The following SH3RF3 variants were observed in gnomAD, a reference collection of about 807,000 sequenced individuals.
SH3RF3 encodes the protein E3 ubiquitin-protein ligase SH3RF3.
SH3RF3 carries 29 observed loss-of-function variants against 66.3 expected under a neutral mutation model. That is an observed-to-expected ratio of 0.44 (90% CI 0.33 to 0.60). The LOEUF (loss-of-function observed/expected upper bound fraction) is 0.60. Among genes scored for constraint, SH3RF3 ranks in the 20% least tolerant of loss-of-function variants. The pLI, the probability that SH3RF3 is intolerant of heterozygous loss-of-function variation, is 0.04. For missense variants in SH3RF3, 1,194 were observed against 1,190.9 expected (o/e 1.00, Z -0.04); for synonymous variants, 583 against 532.0 (o/e 1.10, Z -1.32).
chr2:109,434,913 C>G (rs1425566578), intron 6 of SH3RF3, among the ~76,000 whole-genome samples: 1 of 151,866 alleles, frequency 6.6e-6, no homozygotes, highest in East Asian at 1.9e-4. Context: ...ACTGTCTTCT[C>G]CTGCTGCCAG....
At chr2:109,490,439 G>A (rs1285710116) in intron 8 of SH3RF3, among the ~76,000 whole-genome samples, 166 bp from the exon 9 acceptor site, 3 of 152,122 alleles carry the variant, frequency 2.0e-5, no homozygotes, top group African/African-American at 7.2e-5. Flanking sequence ...AGAAAATGCT[G>A]GTACTCTGGC....
intron 7 of SH3RF3, among the ~76,000 whole-genome samples, chr2:109,440,818 C>G (rs569823075): frequency 6.6e-6 from 1 of 152,226 alleles, no homozygotes; most frequent in East Asian, 1.9e-4. Context: ...CTTCAGGTGA[C>G]AACTCATCTG....
At chr2:109,477,446 C>T (rs1003159663) in intron 8 of SH3RF3, among the ~76,000 whole-genome samples, 4 of 152,228 alleles carry the variant, frequency 2.6e-5, no homozygotes, top group African/African-American at 9.6e-5. Flanking sequence ...AGTCCCGAAA[C>T]GGGCATAGAG....
chr2:109,194,612 A>G (rs768207149), intron 1 of SH3RF3, among the ~76,000 whole-genome samples: 20 of 152,136 alleles, frequency 1.3e-4, no homozygotes, highest in Non-Finnish European at 2.4e-4. Context: ...ACATATGCAC[A>G]CACAGGCACT....
chr2:109,385,220 C>A (rs1212637961), intron 3 of SH3RF3, among the ~76,000 whole-genome samples: 1 of 152,228 alleles, frequency 6.6e-6, no homozygotes, highest in Non-Finnish European at 1.5e-5. Context: ...AATAACCTTA[C>A]CCACCTCCAA....
rs570453303 is a variant in SH3RF3, at chr2:109,461,444, C to T, written c.2148+11955C>T. ...CATCCCTGTCTGTCCTAAAGACCTG[C>T]GCGGTGATCCACCTGCCAGAGGCCC... On this transcript the variant is annotated intron_variant, in intron 8 of 9. Transcript: ENST00000309415. 5.1e-5 allele frequency among the ~76,000 whole-genome samples: 7 copies of T among 137,268 alleles called. No individual in the cohort carries two copies. The South Asian group carries it at 1.1e-3, about 21-fold the overall frequency. The allele number at this position is 137,268 out of a possible 152,430, so 90.1% of individuals were successfully genotyped here.
intron 1 of SH3RF3, among the ~76,000 whole-genome samples, chr2:109,259,923 CAG>C (rs1224678900): frequency 6.6e-6 from 1 of 152,170 alleles, no homozygotes; most frequent in Non-Finnish European, 1.5e-5. Flanking sequence ...CCGTGCACAA[CAG>C]GGGCTCTGCA....
At chr2:109,430,603 C>A (rs1677179622) in intron 5 of SH3RF3, among the ~76,000 whole-genome samples, 1 of 152,164 alleles carries the variant, frequency 6.6e-6, no homozygotes, top group African/African-American at 2.4e-5. Context: ...AGCTTCCCTG[C>A]ACAATACACA....
intron 1 of SH3RF3, among the ~76,000 whole-genome samples, chr2:109,243,143 A>C (rs536374245): frequency 6.6e-6 from 1 of 152,210 alleles, no homozygotes; most frequent in Non-Finnish European, 1.5e-5. Context: ...GGAGCAGGCT[A>C]TTGCCTTGTG....
At chr2:109,417,143 A>G (rs1002770335) in intron 4 of SH3RF3, among the ~76,000 whole-genome samples, 4 of 152,186 alleles carry the variant, frequency 2.6e-5, no homozygotes, top group Non-Finnish European at 5.9e-5. Context: ...AGTGGCCACA[A>G]GGAGACCTGT....
chr2:109,322,502 T>G (rs1682049590), intron 1 of SH3RF3, among the ~76,000 whole-genome samples: 1 of 152,222 alleles, frequency 6.6e-6, no homozygotes, highest in African/African-American at 2.4e-5. Context: ...CTGAAATTTC[T>G]AAATAAGCCT....
intron 3 of SH3RF3, among the ~76,000 whole-genome samples, chr2:109,394,696 A>G (rs1226261520): frequency 6.6e-6 from 1 of 152,176 alleles, no homozygotes; most frequent in African/African-American, 2.4e-5. Flanking sequence ...CCACCTGATA[A>G]ACAAGGTGAC....
At chr2:109,267,816 G>A (rs1321479788) in intron 1 of SH3RF3, among the ~76,000 whole-genome samples, 3 of 152,218 alleles carry the variant, frequency 2.0e-5, no homozygotes, top group African/African-American at 7.2e-5. Context: ...GGGAGGGAGA[G>A]GCCCTGTGGT....
intron 1 of SH3RF3, among the ~76,000 whole-genome samples, chr2:109,243,491 A>G (rs934875177): frequency 1.1e-4 from 16 of 152,210 alleles, no homozygotes; most frequent in Admixed American, 5.2e-4. Context: ...AGGCCAATGA[A>G]CAGGAAATGC....
intron 1 of SH3RF3, among the ~76,000 whole-genome samples, chr2:109,327,692 G>A (rs1213803439): frequency 6.6e-6 from 1 of 152,136 alleles, no homozygotes; most frequent in East Asian, 1.9e-4. Flanking sequence ...AAATGTACAT[G>A]TTTGGTTAAA....
chr2:109,475,542 C>T (rs1678660919), intron 8 of SH3RF3, among the ~76,000 whole-genome samples: 2 of 152,214 alleles, frequency 1.3e-5, no homozygotes, highest in South Asian at 4.1e-4. Flanking sequence ...TGGGTGGGGA[C>T]AGGGACATAT....
chr2:109,147,054 A>G (rs1677117881), intron 1 of SH3RF3, among the ~76,000 whole-genome samples: 1 of 151,794 alleles, frequency 6.6e-6, no homozygotes, highest in South Asian at 2.1e-4. Flanking sequence ...TGCCCTCCCA[A>G]CAACTGTCCA....
chr2:109,491,042 T>G, intron 9 of SH3RF3, 106 bp downstream of exon 9: 4 of 1,107,596 alleles, frequency 3.6e-6, no homozygotes, highest in Non-Finnish European at 4.8e-6. Context: ...GGGATTAGGT[T>G]TACCAGATGT....
At chr2:109,249,588 C>CTTT (rs1187569893) in intron 1 of SH3RF3, among the ~76,000 whole-genome samples, 3 of 134,514 alleles carry the variant, frequency 2.2e-5, no homozygotes, top group African/African-American at 9.1e-5. Flanking sequence ...TCCTTCCTTT[C>CTTT]CTTTCTTTCT....
Sources: allele counts gnomAD v4.1 joint callset (sites outside exome capture counted in the v4.1 genomes callset), GRCh38; gene constraint gnomAD v4.1.1; transcripts MANE v1.5; gene names NCBI Gene and HGNC (gene_info 2026-07-23, HGNC 2026-07-21).